The following CYFIP1 variants were observed in gnomAD, a reference collection of about 807,000 sequenced individuals.
CYFIP1 encodes the protein cytoplasmic FMR1-interacting protein 1.
A neutral mutation model predicts 163.5 loss-of-function variants in CYFIP1; 58 were observed. The observed-to-expected ratio is 0.35, with a 90% CI of 0.29 to 0.44. CYFIP1 has a LOEUF of 0.44. CYFIP1 is among the 20% of genes least tolerant of loss of function. The pLI is 1.00. For missense variants in CYFIP1, 1,338 were observed against 1,653.8 expected (o/e 0.81, Z 3.31); for synonymous variants, 663 against 660.7 (o/e 1.00, Z -0.05).
At chr15:22,925,399 C>A (rs2061326582) in intron 13 of CYFIP1, among the ~76,000 whole-genome samples, 1 of 152,190 alleles carries the variant, frequency 6.6e-6, no homozygotes, top group Non-Finnish European at 1.5e-5. Flanking sequence ...CATGCATTGT[C>A]ACGTGACCAG....
chr15:22,883,330 T>A (rs1227247414), intron 23 of CYFIP1, among the ~76,000 whole-genome samples: 1 of 152,110 alleles, frequency 6.6e-6, no homozygotes, highest in Non-Finnish European at 1.5e-5. Flanking sequence ...CCTCCCAGTC[T>A]CCCAGCAGGA....
At chr15:22,903,306 C>T (rs2060458883) in intron 22 of CYFIP1, among the ~76,000 whole-genome samples, 1 of 152,170 alleles carries the variant, frequency 6.6e-6, no homozygotes, top group Non-Finnish European at 1.5e-5. Context: ...TGAGGCTGAA[C>T]CTCAGGATAC....
chr15:22,902,190 G>A (rs546365691), intron 22 of CYFIP1, among the ~76,000 whole-genome samples: 1 of 152,338 alleles, frequency 6.6e-6, no homozygotes. Flanking sequence ...GCCTCCTGCC[G>A]CCCACAGTGG....
At chr15:22,883,726 A>G (rs917392458) in intron 23 of CYFIP1, among the ~76,000 whole-genome samples, 2 of 148,572 alleles carry the variant, frequency 1.3e-5, no homozygotes, top group Non-Finnish European at 3.0e-5. Flanking sequence ...CTGAGGCAGG[A>G]GAATGGCATG....
intron 14 of CYFIP1, among the ~76,000 whole-genome samples, chr15:22,918,276 C>T (rs896807849): frequency 2.6e-5 from 4 of 152,158 alleles, no homozygotes; most frequent in Non-Finnish European, 5.9e-5. Flanking sequence ...CCCGCCTGCC[C>T]GCAGCTGGCT....
At chr15:22,927,608 T>C (rs2061397797) in intron 12 of CYFIP1, among the ~76,000 whole-genome samples, 1 of 151,844 alleles carries the variant, frequency 6.6e-6, no homozygotes, top group Non-Finnish European at 1.5e-5. Context: ...GGGACTTATG[T>C]TTGCACCACC....
At position 22,873,718 on chromosome 15, in the gene CYFIP1, G is replaced by C. The variant is rs199762267; in HGVS notation, c.3222C>G (p.Ile1074Met). 4 of 1,612,016 alleles carry C rather than the reference G, an allele frequency of 2.5e-6. No homozygotes were observed. Among genetic ancestry groups the C allele is most frequent in the South Asian group, 1.1e-5 (1 of 90,922 alleles). ...TTGTCAGCAGGTCCCCCTCTCTTGC[G>C]ATGGCAATTTGCTGCAGAAAGGACA... The part of the protein sequence containing the change: ...ERLGTPQQIA[I>M]AREGDLLTKE... Residue 1074 changes from isoleucine to methionine, a missense_variant, in exon 29 of 31, where the codon ATC (isoleucine) becomes ATG (methionine). Around this residue, in one of 4 missense-constraint regions of CYFIP1, gnomAD observed 306 missense variants for 322.1 expected, o/e 0.95. Transcript: ENST00000617928.
upstream of CYFIP1, among the ~76,000 whole-genome samples, chr15:22,980,619 G>C (rs1213424217): frequency 6.6e-6 from 1 of 152,020 alleles, no homozygotes; most frequent in African/African-American, 2.4e-5. Context: ...TCGGAGCGGA[G>C]CGGGCGTGGG....
chr15:22,941,415 G>A (rs1394046475), intron 6 of CYFIP1, among the ~76,000 whole-genome samples: 4 of 152,088 alleles, frequency 2.6e-5, no homozygotes, highest in Non-Finnish European at 5.9e-5. Flanking sequence ...GGGAGACTAA[G>A]GAAAGGGTCA....
At chr15:22,918,166 G>A (rs1318357485) in intron 14 of CYFIP1, among the ~76,000 whole-genome samples, 1 of 152,232 alleles carries the variant, frequency 6.6e-6, no homozygotes, top group Non-Finnish European at 1.5e-5. Context: ...CTGAGCTCCA[G>A]TTCGCATCTG....
chr15:22,900,036 T>A (rs1778716973), intron 22 of CYFIP1, among the ~76,000 whole-genome samples: 1 of 152,084 alleles, frequency 6.6e-6, no homozygotes. Flanking sequence ...AGAACGAGAC[T>A]CCGTCGAAAA....
At chr15:22,879,456 C>T (rs1196951648) in intron 26 of CYFIP1, among the ~76,000 whole-genome samples, 1 of 152,124 alleles carries the variant, frequency 6.6e-6, no homozygotes, top group African/African-American at 2.4e-5. Flanking sequence ...ATGCTGGCCA[C>T]TCGTGCTGTC....
In CYFIP1 at chr15:22,873,676, G is replaced by A. The variant is rs139766894; in HGVS notation, c.3264C>T (p.Cys1088=). The A allele has an allele frequency of 4.5e-5, 72 of 1,614,178 alleles. No individual in the cohort carries two copies. The African/African-American group carries it at 5.6e-4, about 13-fold the overall frequency. ...GGATGACCTCAAACATGGACAGGCC[G>A]CAGCAGAGGCGCTCCTTTGTCAGCA... ...GDLLTKERLC[C]GLSMFEVILT... Residue 1088 remains cysteine (C), a synonymous_variant, in exon 29 of 31, where the codon TGC becomes TGT. Transcript: ENST00000617928.
At position 22,916,907 on chromosome 15, in the gene CYFIP1, G is replaced by A. The variant is rs767860456; in HGVS notation, c.1675-277C>T. The A allele has an allele frequency of 1.9e-6, 3 of 1,551,604 alleles. No individual in the cohort carries two copies. In the African/African-American group the frequency reaches 4.1e-5, roughly 21 times the overall value. On this transcript the variant is annotated intron_variant, in intron 15 of 30. Coordinates refer to ENST00000617928, the MANE Select transcript of CYFIP1 (RefSeq NM_014608.6). Reference sequence around the variant, plus strand: ...CACCAAAGGTTAAAAGGGGTAGGTAGGTGCACGACTGCCTCAGAAACGTGT... The same window carrying A: ...CACCAAAGGTTAAAAGGGGTAGGTAAGTGCACGACTGCCTCAGAAACGTGT...
intron 22 of CYFIP1, among the ~76,000 whole-genome samples, chr15:22,896,768 G>A (rs746260190): frequency 2.0e-5 from 3 of 149,512 alleles, no homozygotes; most frequent in Non-Finnish European, 3.0e-5. Flanking sequence ...CATCATCTCT[G>A]TCATTTCTGC....
In CYFIP1 at chr15:22,868,461, A is replaced by C. The variant is rs1361253989; in HGVS notation, c.*1567T>G. ...ATAATTAAGCCTTATAAAACTTGGTAATTGATTAAGTTTTACCATAATTTT... is the reference window on the plus strand; with the variant it reads ...ATAATTAAGCCTTATAAAACTTGGTCATTGATTAAGTTTTACCATAATTTT... On this transcript the variant is annotated 3_prime_UTR_variant, in exon 31 of 31. Coordinates refer to ENST00000617928, the MANE Select transcript of CYFIP1 (RefSeq NM_014608.6). 6.6e-6 allele frequency: 1 copy of C among 152,172 alleles called. No homozygotes were observed. Among genetic ancestry groups the C allele is most frequent in the Non-Finnish European group, 1.5e-5 (1 of 68,046 alleles). The allele number at this position is 152,172 out of a possible 1,614,324, so 9.4% of individuals were successfully genotyped here. A position where few individuals can be genotyped will look rare whatever the true frequency, so the allele number is the denominator to read the frequency against.
chr15:22,952,659 C>CAAAAAAAAAAAAAAAAAA (rs3083512), intron 1 of CYFIP1, among the ~76,000 whole-genome samples: 12 of 45,670 alleles, frequency 2.6e-4, no homozygotes, highest in East Asian at 7.9e-4. Flanking sequence ...GACTCCATCT[C>CAAAAAAAAAAAAAAAAAA]AAAAAAAAAA....
chr15:22,875,672 C>T (rs1027153054), intron 26 of CYFIP1, among the ~76,000 whole-genome samples: 58 of 151,906 alleles, frequency 3.8e-4, no homozygotes, highest in African/African-American at 1.4e-3. Context: ...CAGTTTATGA[C>T]AAGATCCCAC....
At chr15:22,932,169 A>C in intron 11 of CYFIP1, 54 bp downstream of exon 11, 4 of 1,351,218 alleles carry the variant, frequency 3.0e-6, no homozygotes, top group Non-Finnish European at 4.1e-6. Flanking sequence ...TTTGGGTGCA[A>C]ACACACACAG....
Sources: allele counts gnomAD v4.1 joint callset (sites outside exome capture counted in the v4.1 genomes callset), GRCh38; gene constraint gnomAD v4.1.1; regional missense constraint gnomAD v4.1.1; transcripts MANE v1.5; gene names NCBI Gene and HGNC (gene_info 2026-07-23, HGNC 2026-07-21).